The following CTNNA3 variants were observed in gnomAD, a reference collection of about 807,000 sequenced individuals.
CTNNA3 encodes catenin alpha 3.
A neutral mutation model predicts 95.7 loss-of-function variants in CTNNA3; 76 were observed. The ratio of observed to expected loss-of-function variants is 0.79; its 90% CI spans 0.66 to 0.96. The LOEUF is 0.96. Ranked by LOEUF, CTNNA3 falls within the 40% of genes least tolerant of loss-of-function variation. CTNNA3 has a pLI of 0.00. For synonymous variants in CTNNA3, 431 were observed against 374.4 expected (o/e 1.15, Z -1.74); for missense variants, 1,191 against 1,089.8 (o/e 1.09, Z -1.31).
At chr10:67,718,844 T>G (rs1033345040) in intron 1 of CTNNA3, among the ~76,000 whole-genome samples, 2 of 152,188 alleles carry the variant, frequency 1.3e-5, no homozygotes, top group African/African-American at 4.8e-5. Flanking sequence ...GAGTGCCTCT[T>G]TGTCTATTGT....
chr10:67,737,619 T>G (rs532131046), intron 1 of CTNNA3, among the ~76,000 whole-genome samples: 195 of 152,058 alleles, frequency 1.3e-3, no homozygotes, highest in African/African-American at 4.1e-3. Flanking sequence ...CTTCTCAAAA[T>G]AAGACATTTA....
intron 9 of CTNNA3, among the ~76,000 whole-genome samples, chr10:66,729,753 T>C (rs1180673934): frequency 1.3e-5 from 2 of 152,138 alleles, no homozygotes; most frequent in African/African-American, 4.8e-5. Flanking sequence ...AACTTACTCA[T>C]GTAACCAAAC....
chr10:67,394,075 C>A (rs988986079), intron 5 of CTNNA3, among the ~76,000 whole-genome samples: 1 of 152,030 alleles, frequency 6.6e-6, no homozygotes, highest in Non-Finnish European at 1.5e-5. Flanking sequence ...AACGATGAGA[C>A]CAGTTGCGGA....
intron 5 of CTNNA3, among the ~76,000 whole-genome samples, chr10:67,489,877 A>T (rs1178390816): frequency 6.6e-6 from 1 of 151,740 alleles, no homozygotes; most frequent in Admixed American, 6.6e-5. Context: ...GAGCTTGAAA[A>T]GCCCATTAAG....
At chr10:66,023,023 T>C (rs998383499) in intron 15 of CTNNA3, among the ~76,000 whole-genome samples, 2 of 152,220 alleles carry the variant, frequency 1.3e-5, no homozygotes, top group African/African-American at 2.4e-5. Flanking sequence ...AGTTATTTTA[T>C]TGTTGTTTTA....
At chr10:66,065,178 T>C (rs2080287795) in intron 15 of CTNNA3, among the ~76,000 whole-genome samples, 1 of 152,182 alleles carries the variant, frequency 6.6e-6, no homozygotes, top group Non-Finnish European at 1.5e-5. Context: ...AGCTCATTCA[T>C]TCAAGCTGTG....
chr10:67,343,463 T>G lies in CTNNA3; in HGVS notation c.580-123593A>C, dbSNP rs117093675. 8.0e-3 allele frequency among the ~76,000 whole-genome samples: 1,219 copies of G among 152,270 alleles called. 34 individuals are homozygous for G. In the East Asian group the frequency reaches 0.082, roughly 10 times the overall value. On this transcript the variant is annotated intron_variant, in intron 5 of 17. Coordinates refer to ENST00000433211, the MANE Select transcript of CTNNA3 (RefSeq NM_013266.4). ...TGTTTTATAGTTTCCATTATAAAGA[T>G]CTTTCACTTCTTTGGTTAAGTTAAT...
chr10:66,473,196 A>C (rs1343197101), intron 11 of CTNNA3, among the ~76,000 whole-genome samples: 2 of 151,992 alleles, frequency 1.3e-5, no homozygotes, highest in Non-Finnish European at 2.9e-5. Flanking sequence ...GTCCCCAGTC[A>C]AATCTCATCT....
intron 13 of CTNNA3, among the ~76,000 whole-genome samples, chr10:66,143,235 G>C (rs2083704678): frequency 6.6e-6 from 1 of 152,032 alleles, no homozygotes; most frequent in Non-Finnish European, 1.5e-5. Context: ...AAAAAGCATA[G>C]AGTTAGTTCA....
chr10:66,241,223 T>G (rs1210909474), intron 13 of CTNNA3, among the ~76,000 whole-genome samples: 30 of 152,162 alleles, frequency 2.0e-4, no homozygotes, highest in Non-Finnish European at 3.4e-4. Context: ...TTGAGTAAGG[T>G]CAATGAAATG....
chr10:67,004,424 A>T (rs1851857818), intron 7 of CTNNA3, among the ~76,000 whole-genome samples: 1 of 152,244 alleles, frequency 6.6e-6, no homozygotes, highest in Non-Finnish European at 1.5e-5. Context: ...ATGATGACAC[A>T]TGTAAGGACA....
chr10:66,231,060 G>A (rs914775881), intron 13 of CTNNA3, among the ~76,000 whole-genome samples: 3 of 152,096 alleles, frequency 2.0e-5, no homozygotes, highest in Admixed American at 6.5e-5. Flanking sequence ...GTCTTTGGAG[G>A]TGAAGAGGAC....
chr10:66,755,185 G>A (rs1839315304), intron 9 of CTNNA3, among the ~76,000 whole-genome samples: 2 of 152,036 alleles, frequency 1.3e-5, no homozygotes, highest in African/African-American at 2.4e-5. Flanking sequence ...AAAACATTAT[G>A]CCAAGTGAAA....
At chr10:66,204,079 T>C (rs1487650775) in intron 13 of CTNNA3, among the ~76,000 whole-genome samples, 1 of 152,112 alleles carries the variant, frequency 6.6e-6, no homozygotes, top group Admixed American at 6.6e-5. Flanking sequence ...GAATAAAAAG[T>C]AAATACCATC....
At chr10:66,652,479 GA>G (rs1371188751) in intron 9 of CTNNA3, among the ~76,000 whole-genome samples, 2 of 151,948 alleles carry the variant, frequency 1.3e-5, no homozygotes, top group Non-Finnish European at 2.9e-5. Flanking sequence ...TAATGAGTAA[GA>G]AGATTAAATC....
intron 1 of CTNNA3, among the ~76,000 whole-genome samples, chr10:67,718,535 G>A (rs564162559): frequency 3.3e-5 from 5 of 152,126 alleles, no homozygotes; most frequent in South Asian, 4.2e-4. Context: ...AAATTTTATC[G>A]AAGGCCTTTT....
intron 5 of CTNNA3, among the ~76,000 whole-genome samples, chr10:67,507,565 A>C (rs527780394): frequency 1.3e-5 from 2 of 151,984 alleles, no homozygotes; most frequent in Non-Finnish European, 2.9e-5. Flanking sequence ...AAAGAAAAAA[A>C]AAAAGAAAAT....
chr10:66,258,982 C>T (rs2090895591), intron 13 of CTNNA3, among the ~76,000 whole-genome samples: 1 of 152,190 alleles, frequency 6.6e-6, no homozygotes, highest in African/African-American at 2.4e-5. Context: ...GTAACCACTA[C>T]TGGGCCAAAA....
intron 3 of CTNNA3, among the ~76,000 whole-genome samples, chr10:67,567,589 AAAG>A (rs1841852179): frequency 6.6e-6 from 1 of 152,174 alleles, no homozygotes; most frequent in Admixed American, 6.6e-5. Context: ...ATATTTGTAC[AAAG>A]AAAAATCTGT....
Sources: allele counts gnomAD v4.1 joint callset (sites outside exome capture counted in the v4.1 genomes callset), GRCh38; gene constraint gnomAD v4.1.1; transcripts MANE v1.5; gene names NCBI Gene and HGNC (gene_info 2026-07-23, HGNC 2026-07-21).